The following NLK variants were observed in gnomAD, a reference collection of about 807,000 sequenced individuals.
NLK encodes the protein serine/threonine-protein kinase NLK.
NLK carries 11 observed loss-of-function variants against 59.0 expected under a neutral mutation model. That is an observed-to-expected ratio of 0.19 (90% CI 0.12 to 0.31). The LOEUF (loss-of-function observed/expected upper bound fraction) is 0.31, where lower values mean the gene tolerates loss of function less well. Ranked by LOEUF, NLK falls within the 10% of genes least tolerant of loss-of-function variation. The pLI, the probability that NLK is intolerant of heterozygous loss-of-function variation, is 1.00. For missense variants in NLK, 410 were observed against 661.1 expected (o/e 0.62, Z 4.16); for synonymous variants, 235 against 235.9 (o/e 1.00, Z 0.03).
intron 1 of NLK, among the ~76,000 whole-genome samples, chr17:28,067,448 T>A (rs1316100618): frequency 6.6e-6 from 1 of 151,780 alleles, no homozygotes; most frequent in Non-Finnish European, 1.5e-5. Context: ...TAAAACAAAT[T>A]AGAACTCTCT....
the NLK span, among the ~76,000 whole-genome samples, chr17:28,203,833 G>A: frequency 8.8e-4 from 134 of 152,174 alleles, no homozygotes; most frequent in Non-Finnish European, 1.5e-3. Context: ...CACTGCGCCC[G>A]GCCCTGTTGA....
rs188506601 is a variant in NLK at position 28,056,119 on chromosome 17, T to C, written c.458+12788T>C. Reference sequence around the variant, plus strand: ...TTGTTTACAAGACTTTGACCTGGTATGCGTGGGTGTGTTTGTAGTATTATT... The same window carrying C: ...TTGTTTACAAGACTTTGACCTGGTACGCGTGGGTGTGTTTGTAGTATTATT... On this transcript the variant is annotated intron_variant, in intron 1 of 10. Coordinates refer to ENST00000407008, the MANE Select transcript of NLK (RefSeq NM_016231.5). 9.1e-4 allele frequency among the ~76,000 whole-genome samples: 139 copies of C among 152,330 alleles called. 1 individual carries two copies. Among genetic ancestry groups the C allele is most frequent in the African/African-American group, 3.2e-3 (134 of 41,564 alleles).
intron 2 of NLK, among the ~76,000 whole-genome samples, chr17:28,129,419 C>T (rs1906423765): frequency 6.6e-6 from 1 of 152,090 alleles, no homozygotes; most frequent in South Asian, 2.1e-4. Flanking sequence ...TGTCACTGCC[C>T]TCCAGCCTGG....
intron 1 of NLK, among the ~76,000 whole-genome samples, chr17:28,097,708 T>G (rs1021868009): frequency 6.6e-6 from 1 of 152,176 alleles, no homozygotes; most frequent in Non-Finnish European, 1.5e-5. Flanking sequence ...ACTGTTGATA[T>G]GATTATAATG....
chr17:28,061,219 C>T (rs1329326261), intron 1 of NLK, among the ~76,000 whole-genome samples: 1 of 152,110 alleles, frequency 6.6e-6, no homozygotes, highest in Admixed American at 6.5e-5. Context: ...CGAGTTTATC[C>T]AGTTTCAGTG....
At chr17:28,060,797 A>C (rs890142902) in intron 1 of NLK, among the ~76,000 whole-genome samples, 2 of 152,238 alleles carry the variant, frequency 1.3e-5, no homozygotes, top group African/African-American at 4.8e-5. Context: ...ACACACTCAA[A>C]TTTTTTATGA....
At chr17:28,069,710 C>T (rs1047965707) in intron 1 of NLK, among the ~76,000 whole-genome samples, 2 of 151,798 alleles carry the variant, frequency 1.3e-5, no homozygotes, top group Admixed American at 6.6e-5. Flanking sequence ...TGAAGTTTTC[C>T]ACCCATTTAA....
chr17:28,186,695 A>T (rs536187291), intron 8 of NLK, among the ~76,000 whole-genome samples: 19 of 152,294 alleles, frequency 1.2e-4, no homozygotes, highest in African/African-American at 4.6e-4. Flanking sequence ...GTCAGATCTC[A>T]TGAGACTTAT....
At chr17:28,059,288 G>A (rs1422820812) in intron 1 of NLK, among the ~76,000 whole-genome samples, 5 of 151,872 alleles carry the variant, frequency 3.3e-5, no homozygotes, top group Non-Finnish European at 7.4e-5. Flanking sequence ...GTTTTCTTAT[G>A]TTTGGATTTT....
At chr17:28,184,428 C>T (rs1266914594) in intron 7 of NLK, among the ~76,000 whole-genome samples, 3 of 152,110 alleles carry the variant, frequency 2.0e-5, no homozygotes, top group Non-Finnish European at 2.9e-5. Context: ...CATTTTTGGC[C>T]ATGCTCTGAT....
At chr17:28,198,545 G>A (rs1042451557), downstream of NLK, among the ~76,000 whole-genome samples, 6 of 151,896 alleles carry the variant, frequency 4.0e-5, no homozygotes, top group Non-Finnish European at 7.4e-5. Flanking sequence ...GGCTGGTGTC[G>A]AACTCCTGAC....
chr17:28,141,437 G>A (rs1201352860), intron 3 of NLK, among the ~76,000 whole-genome samples: 4 of 152,190 alleles, frequency 2.6e-5, no homozygotes, highest in Non-Finnish European at 5.9e-5. Flanking sequence ...TTAGAGACTT[G>A]CCCTCCATTC....
chr17:28,107,461 A>G (rs999857109), intron 1 of NLK, among the ~76,000 whole-genome samples: 2 of 151,928 alleles, frequency 1.3e-5, no homozygotes, highest in African/African-American at 2.4e-5. Flanking sequence ...AGAAATAAAT[A>G]CTAAACACTG....
At chr17:28,163,489 T>C (rs1908098432) in intron 4 of NLK, 54 bp from the exon 5 acceptor site, 3 of 1,028,008 alleles carry the variant, frequency 2.9e-6, no homozygotes, top group Non-Finnish European at 4.4e-6. Flanking sequence ...TTTTAAATTA[T>C]TGGTTGAGTA....
chr17:28,096,698 A>G (rs1394713613), intron 1 of NLK, among the ~76,000 whole-genome samples: 1 of 152,112 alleles, frequency 6.6e-6, no homozygotes, highest in Non-Finnish European at 1.5e-5. Context: ...TCCCCCATCT[A>G]TTTCCAAACA....
intron 7 of NLK, among the ~76,000 whole-genome samples, chr17:28,180,494 G>C (rs1364364572): frequency 2.0e-5 from 3 of 152,142 alleles, no homozygotes; most frequent in Non-Finnish European, 4.4e-5. Flanking sequence ...AGGAGGCAGG[G>C]GTGTGTGTAC....
chr17:28,183,618 C>T (rs138029965), intron 7 of NLK, among the ~76,000 whole-genome samples: 13 of 152,246 alleles, frequency 8.5e-5, no homozygotes, highest in African/African-American at 2.6e-4. Flanking sequence ...CGTAAGCCAC[C>T]GCACCCAGCC....
intron 5 of NLK, among the ~76,000 whole-genome samples, chr17:28,167,437 T>C (rs1284955591): frequency 6.6e-6 from 1 of 151,504 alleles, no homozygotes; most frequent in South Asian, 2.1e-4. Context: ...GTTGAGATCT[T>C]GTTATGTTGT....
intron 1 of NLK, among the ~76,000 whole-genome samples, chr17:28,052,332 C>T (rs544121032): frequency 1.3e-5 from 2 of 152,206 alleles, no homozygotes; most frequent in East Asian, 3.9e-4. Flanking sequence ...ATTTGGGAGC[C>T]AGTGCTTACA....
Sources: gnomAD v4.1 joint callset for allele counts (sites outside exome capture counted in the v4.1 genomes callset) on GRCh38, gnomAD v4.1.1 for gene constraint, MANE v1.5 for transcripts, NCBI Gene and HGNC (gene_info 2026-07-23, HGNC 2026-07-21) for gene names.